The following PDE12 variants were observed in gnomAD, a reference collection of about 807,000 sequenced individuals.
PDE12 encodes the protein phosphodiesterase 12.
Under a neutral mutation model 45.4 loss-of-function variants are expected in PDE12, and 26 were observed. That is an observed-to-expected ratio of 0.57 (90% CI 0.42 to 0.79). PDE12 has a LOEUF of 0.79. Among genes scored for constraint, PDE12 ranks in the 30% least tolerant of loss-of-function variants. The pLI, the probability that PDE12 is intolerant of heterozygous loss-of-function variation, is 0.00. For missense variants in PDE12, 668 were observed against 790.0 expected, an observed-to-expected ratio of 0.85 and a Z score of 1.85; for synonymous variants, 283 against 323.9, an observed-to-expected ratio of 0.87 and a Z score of 1.36.
At position 57,556,455 on chromosome 3, in the gene PDE12, G is replaced by T; in HGVS notation, c.76G>T (p.Ala26Ser). ...GGTGGAGAAGCTGAGCCGGGCTGAA[G>T]CGGGGAGCCAGACAGCGGCGGGAGC... The part of the protein sequence containing the change: ...TAVEKLSRAE[A>S]GSQTAAGAME... The change falls in exon 1 of 3, where the codon GCG becomes TCG. Residue 26 changes from alanine to serine, a missense_variant. Physicochemically the swap from Ala to Ser is moderately conservative, Grantham distance 99. Transcript: ENST00000311180. This position sits in a 1 kb window ranked among gnomAD's most constrained non-coding sequence, Gnocchi z 5.0. 4 of 1,613,146 alleles carry T rather than the reference G, an allele frequency of 2.5e-6. No homozygotes were observed. The highest frequency in any genetic ancestry group is 3.4e-6 in the Non-Finnish European group (4 of 1,179,792).
the PDE12 span, among the ~76,000 whole-genome samples, chr3:57,616,401 AAG>A: frequency 1.3e-5 from 2 of 150,872 alleles, no homozygotes; most frequent in Non-Finnish European, 3.0e-5. Flanking sequence ...GGAGAAGAAG[AAG>A]AGGCGGAAGA....
At chr3:57,642,960 C>T in the PDE12 span, among the ~76,000 whole-genome samples, 22 of 148,380 alleles carry the variant, frequency 1.5e-4, no homozygotes, top group African/African-American at 4.5e-4. Context: ...GAGCCAAGAT[C>T]GCGCCATCAC....
the PDE12 span, among the ~76,000 whole-genome samples, chr3:57,649,208 C>T: frequency 2.0e-5 from 3 of 152,134 alleles, no homozygotes; most frequent in African/African-American, 4.8e-5. Context: ...CATGAATAGA[C>T]AATTCTCAAA....
chr3:57,557,635 T>A lies in PDE12; in HGVS notation c.1256T>A (p.Val419Asp). ...PLHKELLEKLVLYPSAQEKVL... is the reference protein window; with the variant it reads ...PLHKELLEKLDLYPSAQEKVL... ...CACAAAGAACTGCTGGAGAAACTAGTTTTGTACCCATCAGCGCAGGAGAAG... is the reference window on the plus strand; with the variant it reads ...CACAAAGAACTGCTGGAGAAACTAGATTTGTACCCATCAGCGCAGGAGAAG... The change falls in exon 1 of 3, where the codon GTT (valine) becomes GAT (aspartate). Residue 419 changes from valine (V) to aspartate (D), a missense_variant. Coordinates refer to ENST00000311180, the MANE Select transcript of PDE12 (RefSeq NM_177966.7). The A allele has an allele frequency of 6.2e-7, 1 of 1,614,070 alleles. No individual in the cohort carries two copies. Among genetic ancestry groups the A allele is most frequent in the Non-Finnish European group, 8.5e-7 (1 of 1,180,022 alleles).
the PDE12 span, chr3:57,599,972 T>G: frequency 6.6e-6 from 1 of 150,884 alleles, no homozygotes; most frequent in Non-Finnish European, 1.5e-5. Context: ...GGATTACAGG[T>G]GTGAGCCAGT....
the PDE12 span, chr3:57,583,863 A>G: frequency 2.1e-6 from 3 of 1,441,272 alleles, no homozygotes; most frequent in East Asian, 2.3e-5. Context: ...TGAAACCCAC[A>G]AAGAAAAGTT....
Position 57,560,302 on chromosome 3 carries a change from GTTTT to G in PDE12, c.*301_*304del, listed in dbSNP as rs980123176. On this transcript the variant is annotated 3_prime_UTR_variant, in exon 3 of 3. Coordinates refer to ENST00000311180, the MANE Select transcript of PDE12 (RefSeq NM_177966.7). The stretch of plus-strand genomic sequence containing the variant: ...CAGAAAAGGAAGATTGAATTAGCGT[GTTTT>G]TTGTTTGTTTGTTTTTGTTTTTGTT... 92 of 1,139,090 alleles carry G rather than the reference GTTTT, an allele frequency of 8.1e-5. No individual in the cohort carries two copies. Among genetic ancestry groups the G allele is most frequent in the Non-Finnish European group, 9.5e-5 (88 of 927,644 alleles). The allele number at this position is 1,139,090 out of a possible 1,614,324, so 70.6% of individuals were successfully genotyped here. A position where few individuals can be genotyped will look rare whatever the true frequency, so the allele number is the denominator to read the frequency against.
the PDE12 span, chr3:57,577,236 G>T: frequency 6.7e-6 from 8 of 1,186,972 alleles, no homozygotes; most frequent in Non-Finnish European, 1.0e-5. Flanking sequence ...TCTAATCATA[G>T]TCAAAATGTA....
chr3:57,628,345 A>T, the PDE12 span: 25 of 1,613,650 alleles, frequency 1.5e-5, no homozygotes, highest in Non-Finnish European at 2.1e-5. Flanking sequence ...TCAGCCTGCA[A>T]CTACATAAGG....
At position 57,562,034 on chromosome 3, in the gene PDE12, A is replaced by G; in HGVS notation, c.*2030A>G. 2 of 980,906 alleles carry G rather than the reference A, an allele frequency of 2.0e-6. No individual in the cohort carries two copies. Among genetic ancestry groups the G allele is most frequent in the Non-Finnish European group, 2.4e-6 (2 of 825,800 alleles). 60.8% of individuals were successfully genotyped at this position (980,906 alleles called of 1,614,324 possible). ...ATATGTAAATAATAGATTAAAACCAAATCTTGATTCTCTTGTGAATTTTTT... is the reference window on the plus strand; with the variant it reads ...ATATGTAAATAATAGATTAAAACCAGATCTTGATTCTCTTGTGAATTTTTT... On this transcript the variant is annotated 3_prime_UTR_variant, in exon 3 of 3. Transcript: ENST00000311180.
the PDE12 span, chr3:57,628,743 A>G: frequency 6.7e-7 from 1 of 1,491,204 alleles, no homozygotes; most frequent in Non-Finnish European, 9.2e-7. Context: ...ATGGGTTGTC[A>G]GCTCACATGA....
the PDE12 span, among the ~76,000 whole-genome samples, chr3:57,582,917 C>T: frequency 6.6e-6 from 1 of 152,184 alleles, no homozygotes. Flanking sequence ...TAGATTAGAA[C>T]AGTGGTTCTC....
the PDE12 span, among the ~76,000 whole-genome samples, chr3:57,578,560 G>A: frequency 6.6e-6 from 1 of 151,946 alleles, no homozygotes; most frequent in East Asian, 1.9e-4. Context: ...GCTCACTGCA[G>A]CCTTGACCCC....
the PDE12 span, chr3:57,628,119 C>T: frequency 1.0e-4 from 155 of 1,513,666 alleles, no homozygotes; most frequent in Admixed American, 9.9e-4. Flanking sequence ...TTTTCCACTC[C>T]GCTGCCACTG....
chr3:57,595,146 TC>T, the PDE12 span, among the ~76,000 whole-genome samples: 8 of 152,150 alleles, frequency 5.3e-5, no homozygotes, highest in African/African-American at 1.9e-4. Flanking sequence ...GGGAAATGCC[TC>T]CCAATATAGT....
the PDE12 span, among the ~76,000 whole-genome samples, chr3:57,619,243 G>GAGGCTGAGGC: frequency 6.6e-6 from 1 of 152,066 alleles, no homozygotes; most frequent in Non-Finnish European, 1.5e-5. Context: ...AGCTACTCGG[G>GAGGCTGAGGC]AGGCTGAGGC....
the PDE12 span, among the ~76,000 whole-genome samples, chr3:57,617,629 G>A: frequency 1.3e-5 from 2 of 151,898 alleles, no homozygotes; most frequent in Non-Finnish European, 2.9e-5. Context: ...TTGGGAGGCC[G>A]AGGTGGGAGG....
the PDE12 span, among the ~76,000 whole-genome samples, chr3:57,653,603 G>A: frequency 2.6e-5 from 4 of 151,844 alleles, no homozygotes; most frequent in Admixed American, 6.6e-5. Flanking sequence ...AAAATTAGCC[G>A]GATGTAGTGG....
chr3:57,558,931 TA>T (rs904383320), intron 1 of PDE12, among the ~76,000 whole-genome samples: 3 of 151,198 alleles, frequency 2.0e-5, no homozygotes, highest in African/African-American at 7.3e-5. Flanking sequence ...TAGTCTTAGA[TA>T]AAAAACAGGC....
Sources: gnomAD v4.1 joint callset for allele counts (sites outside exome capture counted in the v4.1 genomes callset) on GRCh38, gnomAD v4.1.1 for gene constraint, Gnocchi (gnomAD v3.1) non-coding constraint, MANE v1.5 for transcripts, NCBI Gene and HGNC (gene_info 2026-07-23, HGNC 2026-07-21) for gene names.